Variants in CNTN4 observed in about 807,000 individuals in gnomAD.
CNTN4 encodes the protein contactin 4.
A neutral mutation model predicts 122.5 loss-of-function variants in CNTN4; 77 were observed. The observed-to-expected ratio is 0.63, with a 90% confidence interval of 0.52 to 0.76. The LOEUF (loss-of-function observed/expected upper bound fraction) is 0.76. CNTN4 is among the 30% of genes least tolerant of loss of function. The probability of loss-of-function intolerance (pLI) is 0.00; values close to 1 mark genes in which losing one functional copy is unlikely to be tolerated. For missense variants in CNTN4, 1,256 were observed against 1,259.1 expected, an observed-to-expected ratio of 1.00 and a Z score of 0.04; for synonymous variants, 512 against 447.0, an observed-to-expected ratio of 1.15 and a Z score of -1.83.
At chr3:2,332,054 C>T (rs1010995732) in intron 2 of CNTN4, among the ~76,000 whole-genome samples, 1 of 152,132 alleles carries the variant, frequency 6.6e-6, no homozygotes, top group Non-Finnish European at 1.5e-5. Flanking sequence ...TCTCTTGAAC[C>T]TGGTGCCATC....
intron 7 of CNTN4, among the ~76,000 whole-genome samples, chr3:2,847,478 C>CTTG (rs2093475406): frequency 6.6e-6 from 1 of 152,204 alleles, no homozygotes; most frequent in Non-Finnish European, 1.5e-5. Context: ...TTATATGTAT[C>CTTG]TTGTCCTTTA....
intron 4 of CNTN4, among the ~76,000 whole-genome samples, chr3:2,620,292 G>A (rs1012615991): frequency 6.6e-6 from 1 of 152,018 alleles, no homozygotes. Context: ...CTGAGCACAC[G>A]AGTTCAAGAC....
chr3:2,746,204 G>A (rs1036972907), intron 6 of CNTN4, among the ~76,000 whole-genome samples: 3 of 151,942 alleles, frequency 2.0e-5, no homozygotes, highest in African/African-American at 7.3e-5. Context: ...GGTGAGAGTT[G>A]GAAAAAAACT....
At chr3:2,469,895 A>G (rs2075626136) in intron 3 of CNTN4, among the ~76,000 whole-genome samples, 1 of 152,192 alleles carries the variant, frequency 6.6e-6, no homozygotes, top group African/African-American at 2.4e-5. Context: ...TGAATTTTGC[A>G]GGAGGAGGCA....
At chr3:2,196,234 ATG>A (rs993813302) in intron 2 of CNTN4, among the ~76,000 whole-genome samples, 4 of 152,168 alleles carry the variant, frequency 2.6e-5, no homozygotes, top group South Asian at 4.1e-4. Context: ...GATATGAGGT[ATG>A]TGTGTGAAGT....
At chr3:2,855,747 G>A (rs764951409) in intron 7 of CNTN4, among the ~76,000 whole-genome samples, 5 of 152,136 alleles carry the variant, frequency 3.3e-5, no homozygotes, top group Non-Finnish European at 7.3e-5. Context: ...GACTAACTTC[G>A]CTGCTGCATG....
intron 6 of CNTN4, among the ~76,000 whole-genome samples, chr3:2,769,599 A>G (rs2091002437): frequency 6.6e-6 from 1 of 152,140 alleles, no homozygotes; most frequent in Non-Finnish European, 1.5e-5. Context: ...ATGGTAGAAA[A>G]TTGTGGTGGT....
intron 12 of CNTN4, among the ~76,000 whole-genome samples, chr3:2,916,552 A>G (rs1377499022): frequency 7.1e-6 from 1 of 141,102 alleles, no homozygotes; most frequent in African/African-American, 2.7e-5. Flanking sequence ...CCCAAGGCAG[A>G]AGAATTTTTC....
chr3:2,402,434 C>T (rs543434591), intron 3 of CNTN4, among the ~76,000 whole-genome samples: 2 of 151,854 alleles, frequency 1.3e-5, no homozygotes, highest in African/African-American at 2.4e-5. Flanking sequence ...TCATAGTAGT[C>T]GTACATATTA....
At chr3:2,488,455 G>T (rs1026464880) in intron 3 of CNTN4, among the ~76,000 whole-genome samples, 3 of 152,070 alleles carry the variant, frequency 2.0e-5, no homozygotes, top group East Asian at 3.9e-4. Flanking sequence ...TGAGTGTTGG[G>T]GGGTGTGTGT....
In CNTN4 at chr3:2,565,303, C is replaced by T. The variant is rs532992474; in HGVS notation, c.-88-6113C>T. Among the ~76,000 whole-genome samples, 71 of 152,286 alleles carry T rather than the reference C, an allele frequency of 4.7e-4. 1 individual carries two copies. Among genetic ancestry groups the T allele is most frequent in the African/African-American group, 1.6e-3 (65 of 41,574 alleles). On this transcript the variant is annotated intron_variant, in intron 3 of 24. Coordinates refer to ENST00000418658, the MANE Select transcript of CNTN4 (RefSeq NM_175607.3). ...ATCTAATGATAAAAACCAATTAACA[C>T]ATATTTTCTCATCATTCCTAGCAGA... is the stretch of plus-strand genomic sequence containing the variant.
At chr3:2,534,341 A>G (rs1281252876) in intron 3 of CNTN4, among the ~76,000 whole-genome samples, 1 of 152,184 alleles carries the variant, frequency 6.6e-6, no homozygotes, top group Non-Finnish European at 1.5e-5. Flanking sequence ...CAGTTTTCCC[A>G]GCACCATTTA....
At chr3:2,160,483 AT>A (rs1323395630) in intron 2 of CNTN4, among the ~76,000 whole-genome samples, 1 of 152,178 alleles carries the variant, frequency 6.6e-6, no homozygotes, top group African/African-American at 2.4e-5. Context: ...AGTTTCAAAA[AT>A]TTTAAAATGA....
intron 8 of CNTN4, among the ~76,000 whole-genome samples, chr3:2,875,416 C>G (rs1296237788): frequency 6.6e-6 from 1 of 152,180 alleles, no homozygotes; most frequent in Non-Finnish European, 1.5e-5. Context: ...TCTGTTGATT[C>G]TATTGATTCT....
intron 3 of CNTN4, among the ~76,000 whole-genome samples, chr3:2,465,743 A>G (rs933675615): frequency 1.3e-5 from 2 of 152,180 alleles, no homozygotes; most frequent in Admixed American, 6.5e-5. Flanking sequence ...CAGGTGTTCA[A>G]CTTGAAACCT....
At chr3:2,380,178 T>C (rs1175646662) in intron 3 of CNTN4, among the ~76,000 whole-genome samples, 4 of 152,302 alleles carry the variant, frequency 2.6e-5, no homozygotes, top group South Asian at 4.1e-4. Flanking sequence ...CTTTCCTCTA[T>C]CCATTGTGTT....
rs148478263 is a variant in CNTN4 at position 2,720,160 on chromosome 3, A to T, written c.56-16055A>T. ...AAGGAAAGGCCATTTCATTATAGGG[A>T]ATTTTTTGTTGCCTGACAAAAATAC... is the stretch of plus-strand genomic sequence containing the variant. On this transcript the variant is annotated intron_variant, in intron 4 of 24. Coordinates refer to ENST00000418658, the MANE Select transcript of CNTN4 (RefSeq NM_175607.3). Among the ~76,000 whole-genome samples the T allele has an allele frequency of 1.1e-4, 17 of 152,186 alleles. No homozygotes were observed. In the East Asian group the frequency reaches 3.3e-3, roughly 29 times the overall value.
intron 14 of CNTN4, among the ~76,000 whole-genome samples, chr3:3,004,715 T>C (rs1005245513): frequency 2.0e-5 from 3 of 152,234 alleles, no homozygotes; most frequent in Non-Finnish European, 4.4e-5. Context: ...ACTCAAATAG[T>C]TACTCTCTTC....
At chr3:2,287,623 A>G (rs1288200158) in intron 2 of CNTN4, among the ~76,000 whole-genome samples, 4 of 35,524 alleles carry the variant, frequency 1.1e-4, no homozygotes, top group African/African-American at 2.6e-4. Context: ...GGAGAAGGAG[A>G]AGGAGAAGGA....
Sources: allele counts gnomAD v4.1 joint callset (sites outside exome capture counted in the v4.1 genomes callset), GRCh38; gene constraint gnomAD v4.1.1; transcripts MANE v1.5; gene names NCBI Gene and HGNC (gene_info 2026-07-23, HGNC 2026-07-21).